Variants in GBE1 observed in about 807,000 individuals in gnomAD.
GBE1 encodes 1,4-alpha-glucan-branching enzyme.
Under a neutral mutation model 88.8 loss-of-function variants are expected in GBE1, and 70 were observed. That is an observed-to-expected ratio of 0.79 (90% CI 0.65 to 0.96). GBE1 has a LOEUF of 0.96. GBE1 is among the 40% of genes least tolerant of loss of function. The probability of loss-of-function intolerance (pLI) is 0.00; values close to 1 mark genes in which losing one functional copy is unlikely to be tolerated. For synonymous variants in GBE1, 284 were observed against 300.1 expected, an observed-to-expected ratio of 0.95 and a Z score of 0.56; for missense variants, 872 against 871.0, an observed-to-expected ratio of 1.00 and a Z score of -0.01.
At chr3:81,536,178 C>T (rs1269932418) in intron 13 of GBE1, among the ~76,000 whole-genome samples, 1 of 151,610 alleles carries the variant, frequency 6.6e-6, no homozygotes, top group Non-Finnish European at 1.5e-5. Flanking sequence ...TGGAACAAAT[C>T]TTACTGAATA....
intron 2 of GBE1, among the ~76,000 whole-genome samples, chr3:81,687,455 A>G (rs1421284402): frequency 6.6e-6 from 1 of 152,184 alleles, no homozygotes; most frequent in Non-Finnish European, 1.5e-5. Flanking sequence ...GAAGTCGAAA[A>G]TTTTCCTTTC....
At chr3:81,542,650 T>C (rs1364259962) in intron 12 of GBE1, among the ~76,000 whole-genome samples, 2 of 152,038 alleles carry the variant, frequency 1.3e-5, no homozygotes, top group African/African-American at 2.4e-5. Context: ...CATATAATGG[T>C]ATTGAAAAAT....
At position 81,656,301 on chromosome 3, in the gene GBE1, A is replaced by G. The variant is rs149714275; in HGVS notation, c.430-6380T>C. Among the ~76,000 whole-genome samples the G allele has an allele frequency of 5.2e-3, 798 of 152,294 alleles. 7 individuals are homozygous for G. The highest frequency in any genetic ancestry group is 5.5e-3 in the Non-Finnish European group (372 of 68,022). On this transcript the variant is annotated intron_variant, in intron 3 of 15. Coordinates refer to ENST00000429644, the MANE Select transcript of GBE1 (RefSeq NM_000158.4). ...GGGCAATCACAGAGGGAGATTTTAC[A>G]TATAGAAGAGGAGAAGACACTGTGA...
intron 2 of GBE1, among the ~76,000 whole-genome samples, chr3:81,685,492 C>G (rs1443511317): frequency 6.6e-6 from 1 of 152,058 alleles, no homozygotes; most frequent in East Asian, 1.9e-4. Flanking sequence ...AGCAGTTCTC[C>G]TGCCCCAGCC....
chr3:81,720,113 C>A (rs1706001606), intron 1 of GBE1, among the ~76,000 whole-genome samples: 1 of 152,116 alleles, frequency 6.6e-6, no homozygotes. Flanking sequence ...CTATCAAACA[C>A]TCTGACAGTT....
intron 7 of GBE1, among the ~76,000 whole-genome samples, chr3:81,641,977 T>C (rs1704688530): frequency 6.6e-6 from 1 of 150,458 alleles, no homozygotes; most frequent in Admixed American, 6.7e-5. Context: ...TAAAAATATG[T>C]ATTATACATT....
intron 10 of GBE1, among the ~76,000 whole-genome samples, chr3:81,582,070 G>T (rs959576934): frequency 6.6e-6 from 1 of 151,884 alleles, no homozygotes; most frequent in Non-Finnish European, 1.5e-5. Flanking sequence ...CTCTTCCTCT[G>T]TTTGTCCTAT....
chr3:81,598,892 T>C (rs1168540506), intron 7 of GBE1, among the ~76,000 whole-genome samples: 1 of 151,980 alleles, frequency 6.6e-6, no homozygotes, highest in Non-Finnish European at 1.5e-5. Context: ...TCACATAATT[T>C]TCTGGATTTT....
chr3:81,683,546 T>G (rs1314089692), intron 2 of GBE1, among the ~76,000 whole-genome samples: 1 of 152,204 alleles, frequency 6.6e-6, no homozygotes, highest in Non-Finnish European at 1.5e-5. Context: ...AACAACAGGC[T>G]TTTTACTCAA....
At chr3:81,650,395 C>G (rs962067921) in intron 3 of GBE1, 1 of 160,984 alleles carries the variant, frequency 6.2e-6, no homozygotes, top group African/African-American at 2.4e-5. Context: ...TTGATTAACA[C>G]AATGTGCACG....
At chr3:81,621,566 C>A (rs1704333860) in intron 7 of GBE1, among the ~76,000 whole-genome samples, 1 of 152,132 alleles carries the variant, frequency 6.6e-6, no homozygotes, top group Non-Finnish European at 1.5e-5. Flanking sequence ...ATTCTTCACC[C>A]CCCAACAGAA....
intron 7 of GBE1, among the ~76,000 whole-genome samples, chr3:81,596,544 A>C (rs1703959349): frequency 6.6e-6 from 1 of 151,990 alleles, no homozygotes; most frequent in Non-Finnish European, 1.5e-5. Context: ...CATAAGAAAA[A>C]ATGAATTGTC....
chr3:81,623,437 C>T (rs1704360129), intron 7 of GBE1, among the ~76,000 whole-genome samples: 1 of 152,184 alleles, frequency 6.6e-6, no homozygotes, highest in Non-Finnish European at 1.5e-5. Context: ...ATCTTTCTAG[C>T]TGGTTGCCTT....
intron 12 of GBE1, among the ~76,000 whole-genome samples, chr3:81,543,981 A>G (rs1381308600): frequency 6.6e-6 from 1 of 152,146 alleles, no homozygotes; most frequent in Non-Finnish European, 1.5e-5. Context: ...TGCATTTCTA[A>G]TGATTTTCTA....
chr3:81,499,099 AACTT>A lies in GBE1; in HGVS notation c.2052+7_2052+10del, dbSNP rs772606981. On this transcript the variant is annotated splice_region_variant and intron_variant, in intron 15 of 15. Transcript: ENST00000429644. Reference sequence around the variant, plus strand: ...TAAAATAGCAGGAAATATGTTGAGAAACTTACTTACCAAAAGAGAATAGGGACGC... The same window carrying A: ...TAAAATAGCAGGAAATATGTTGAGAAACTTACCAAAAGAGAATAGGGACGC... 1.4e-6 allele frequency: 2 copies of A among 1,395,494 alleles called. No individual in the cohort carries two copies. The allele number at this position is 1,395,494 out of a possible 1,614,324, so 86.4% of individuals were successfully genotyped here.
At chr3:81,685,318 G>T (rs549817311) in intron 2 of GBE1, among the ~76,000 whole-genome samples, 28 of 151,678 alleles carry the variant, frequency 1.8e-4, no homozygotes, top group East Asian at 1.4e-3. Flanking sequence ...CAAGTTTTTT[G>T]TTGTTGTTGT....
At chr3:81,628,255 G>A (rs1227282765) in intron 7 of GBE1, among the ~76,000 whole-genome samples, 1 of 152,098 alleles carries the variant, frequency 6.6e-6, no homozygotes, top group African/African-American at 2.4e-5. Context: ...TAGGGGCCAT[G>A]TCTTTCTCTT....
At chr3:81,535,134 C>G in intron 14 of GBE1, 61 bp downstream of exon 14, 2 of 1,295,940 alleles carry the variant, frequency 1.5e-6, no homozygotes, top group South Asian at 3.3e-5. Context: ...TTTTTTTTGT[C>G]CTATAATGTA....
At position 81,512,975 on chromosome 3, in the gene GBE1, A is replaced by G. The variant is rs1027589402; in HGVS notation, c.1935-13748T>C. ...ACCCAAGTAATTTTGTTTAATTTGA[A>G]TGGGCTGAGCTAGGTTATACTAGAG... On this transcript the variant is annotated intron_variant, in intron 14 of 15. Coordinates refer to ENST00000429644, the MANE Select transcript of GBE1 (RefSeq NM_000158.4). 2.6e-5 allele frequency among the ~76,000 whole-genome samples: 4 copies of G among 151,348 alleles called. No homozygotes were observed. The South Asian group carries it at 8.3e-4, about 31-fold the overall frequency.
Sources: gnomAD v4.1 joint callset for allele counts (sites outside exome capture counted in the v4.1 genomes callset) on GRCh38, gnomAD v4.1.1 for gene constraint, MANE v1.5 for transcripts, NCBI Gene and HGNC (gene_info 2026-07-23, HGNC 2026-07-21) for gene names.